The following LMLN variants were observed in gnomAD, a reference collection of about 807,000 sequenced individuals.
LMLN encodes the protein leishmanolysin like peptidase.
Under a neutral mutation model 92.3 loss-of-function variants are expected in LMLN, and 70 were observed. The ratio of observed to expected loss-of-function variants is 0.76; its 90% CI spans 0.63 to 0.92. The LOEUF is 0.92. LMLN is among the 40% of genes least tolerant of loss of function. The pLI is 0.00. For missense variants in LMLN, 691 were observed against 814.6 expected (o/e 0.85, Z 1.85); for synonymous variants, 308 against 296.2 (o/e 1.04, Z -0.41).
chr3:198,026,806 G>A (rs965740416), intron 14 of LMLN, among the ~76,000 whole-genome samples: 13 of 152,064 alleles, frequency 8.5e-5, no homozygotes, highest in East Asian at 5.8e-4. Context: ...AGATCTGGGC[G>A]CTAATTATAC....
In LMLN at chr3:197,980,564, T is replaced by G. The variant is rs1721528571; in HGVS notation, c.728+60T>G. 7 of 1,494,920 alleles carry G rather than the reference T, an allele frequency of 4.7e-6. No individual in the cohort carries two copies. The South Asian group carries it at 8.2e-5, about 17-fold the overall frequency. The allele number at this position is 1,494,920 out of a possible 1,614,324, so 92.6% of individuals were successfully genotyped here. ...TAATGTGGGAACTCTTAAAGCAAAC[T>G]GTATTTTTAGTGTTAAGATTACAGG... On this transcript the variant is annotated intron_variant, in intron 6 of 15. Transcript: ENST00000330198.
exon 14 of LMLN, chr3:198,024,692 A>G: frequency 1.9e-6 from 3 of 1,609,430 alleles, no homozygotes; most frequent in Non-Finnish European, 2.5e-6. Flanking sequence ...AAAAGTATGG[A>G]CCTCATTCCG....
Position 197,962,682 on chromosome 3 carries a change from C to T in LMLN, c.219+2242C>T, listed in dbSNP as rs565509548. ...CCCCCTAGGTCATAAAAATATTCTCCTGTGTTCTAGAAGCCTTCACTTTTA... is the reference window on the plus strand; with the variant it reads ...CCCCCTAGGTCATAAAAATATTCTCTTGTGTTCTAGAAGCCTTCACTTTTA... On this transcript the variant is annotated intron_variant, in intron 1 of 15. Coordinates refer to ENST00000330198, the Ensembl canonical transcript of LMLN. Among the ~76,000 whole-genome samples, 7 of 152,058 alleles carry T rather than the reference C, an allele frequency of 4.6e-5. No individual in the cohort carries two copies. The East Asian group carries it at 7.7e-4, about 17-fold the overall frequency.
intron 14 of LMLN, among the ~76,000 whole-genome samples, chr3:198,029,838 T>TA (rs908526961): frequency 6.6e-6 from 1 of 152,052 alleles, no homozygotes; most frequent in Non-Finnish European, 1.5e-5. Flanking sequence ...CTTATTTTTT[T>TA]TTATTATTAT....
At chr3:198,017,808 T>C (rs1722680638) in intron 11 of LMLN, among the ~76,000 whole-genome samples, 1 of 152,092 alleles carries the variant, frequency 6.6e-6, no homozygotes, top group Non-Finnish European at 1.5e-5. Context: ...TCCGAGCTAC[T>C]TGGGAGGCTG....
At chr3:197,960,243 A>G (rs1720810051) in exon 1 of LMLN, 1 of 1,610,998 alleles carries the variant, frequency 6.2e-7, no homozygotes, top group Non-Finnish European at 8.5e-7. Flanking sequence ...GCTCGGCCCG[A>G]AGATGGCGGC....
At chr3:198,018,931 C>G (rs1722711520) in intron 11 of LMLN, among the ~76,000 whole-genome samples, 1 of 152,108 alleles carries the variant, frequency 6.6e-6, no homozygotes, top group Non-Finnish European at 1.5e-5. Context: ...ATTATACTTT[C>G]AAGATTACAT....
At chr3:198,033,406 A>T (rs112194745) in intron 14 of LMLN, among the ~76,000 whole-genome samples, 41 of 151,492 alleles carry the variant, frequency 2.7e-4, no homozygotes, top group Non-Finnish European at 5.0e-4. Context: ...TTATAAAAAA[A>T]ATTATTATTT....
chr3:198,005,513 A>AATGCT (rs1722268267), intron 11 of LMLN, among the ~76,000 whole-genome samples: 1 of 152,186 alleles, frequency 6.6e-6, no homozygotes, highest in Admixed American at 6.6e-5. Context: ...ATACAATATA[A>AATGCT]ATGCTATGGA....
At chr3:198,030,756 A>G (rs1723056675) in intron 14 of LMLN, among the ~76,000 whole-genome samples, 1 of 152,086 alleles carries the variant, frequency 6.6e-6, no homozygotes, top group Admixed American at 6.6e-5. Context: ...TTTTATTTTA[A>G]TGGAACATAT....
chr3:197,976,143 C>T (rs766076661), intron 4 of LMLN, 32 bp downstream of exon 4: 4 of 1,390,060 alleles, frequency 2.9e-6, no homozygotes, highest in African/African-American at 2.9e-5. Context: ...TCATTTTCTT[C>T]AGCCGTTTAG....
chr3:197,960,265 G>A, exon 1 of LMLN: 2 of 1,613,338 alleles, frequency 1.2e-6, no homozygotes, highest in Non-Finnish European at 1.7e-6. Flanking sequence ...GAATGGGGCG[G>A]AGGAGTGGGT....
At chr3:197,992,699 A>G (rs954768137) in intron 9 of LMLN, among the ~76,000 whole-genome samples, 3 of 152,206 alleles carry the variant, frequency 2.0e-5, no homozygotes, top group African/African-American at 7.2e-5. Flanking sequence ...ATTTCACCAA[A>G]TGTTTAAAGA....
At chr3:197,960,298 G>A in exon 1 of LMLN, 1 of 1,613,820 alleles carries the variant, frequency 6.2e-7, no homozygotes, top group Non-Finnish European at 8.5e-7. Context: ...GGCCCGGGCC[G>A]GAGCCGGTGG....
intron 11 of LMLN, among the ~76,000 whole-genome samples, chr3:198,000,116 G>A (rs1030307989): frequency 2.7e-5 from 4 of 148,302 alleles, no homozygotes; most frequent in Admixed American, 6.7e-5. Context: ...GGTCCCAAAC[G>A]CCTGGGCTCA....
intron 11 of LMLN, among the ~76,000 whole-genome samples, chr3:198,015,529 T>C (rs1722608478): frequency 6.9e-6 from 1 of 144,652 alleles, no homozygotes; most frequent in African/African-American, 2.6e-5. Flanking sequence ...TAGTTTGACT[T>C]CTCTCCACTC....
intron 1 of LMLN, among the ~76,000 whole-genome samples, chr3:197,969,045 T>C: frequency 6.6e-6 from 1 of 152,084 alleles, no homozygotes; most frequent in Non-Finnish European, 1.5e-5. Context: ...TAGTGATATC[T>C]TCTGTGTAGT....
At chr3:198,043,659 A>T (rs1000275653) in exon 16 of LMLN, 1 of 152,614 alleles carries the variant, frequency 6.6e-6, no homozygotes, top group Non-Finnish European at 1.5e-5. Context: ...TATTTATGGT[A>T]TTGAACTTTA....
At chr3:198,035,687 T>C in intron 14 of LMLN, 146 bp from the exon 16 acceptor site, 1 of 660,464 alleles carries the variant, frequency 1.5e-6, no homozygotes, top group Non-Finnish European at 2.5e-6. Flanking sequence ...GAGGTTAAAG[T>C]TATGCCCACA....
Sources: allele counts gnomAD v4.1 joint callset (sites outside exome capture counted in the v4.1 genomes callset), GRCh38; gene constraint gnomAD v4.1.1; transcripts MANE v1.5; gene names NCBI Gene and HGNC (gene_info 2026-07-23, HGNC 2026-07-21).